The following LAMC1 variants were observed in gnomAD, a reference collection of about 807,000 sequenced individuals.
LAMC1 encodes the protein laminin subunit gamma 1, also known as laminin subunit gamma-1.
In LAMC1, 38 loss-of-function variants were observed where a neutral mutation model predicts 173.6. That is an observed-to-expected ratio of 0.22 (90% CI 0.17 to 0.29). The LOEUF (loss-of-function observed/expected upper bound fraction) is 0.29, where lower values mean the gene tolerates loss of function less well. Ranked by LOEUF, LAMC1 falls within the 10% of genes least tolerant of loss-of-function variation. The pLI, the probability that LAMC1 is intolerant of heterozygous loss-of-function variation, is 1.00. For missense variants in LAMC1, 1,824 were observed against 2,051.8 expected (o/e 0.89, Z 2.14); for synonymous variants, 746 against 749.1 (o/e 1.00, Z 0.07).
chr1:183,024,270 G>C (rs541111506), intron 1 of LAMC1, 136 bp downstream of exon 1: 24 of 813,422 alleles, frequency 3.0e-5, no homozygotes, highest in South Asian at 2.7e-4. Context: ...GGGCCACACA[G>C]AAACTCCTTT....
chr1:183,109,002 G>C (rs1460615601), intron 3 of LAMC1, among the ~76,000 whole-genome samples: 1 of 152,148 alleles, frequency 6.6e-6, no homozygotes, highest in Non-Finnish European at 1.5e-5. Context: ...GTAAGCAGAA[G>C]TTTAGAGACG....
rs200584254 is a variant in LAMC1 at position 183,132,917 on chromosome 1, G to T, written c.3704+380G>T. 7.1e-4 allele frequency among the ~76,000 whole-genome samples: 108 copies of T among 151,766 alleles called. No individual in the cohort carries two copies. In the East Asian group the frequency reaches 0.02, roughly 27 times the overall value. ...TTATAGAAAATTTTTTCTTTTTTTT[G>T]TTGTTTTTGTGAGATGAAGTCTCAC... On this transcript the variant is annotated intron_variant, in intron 21 of 27. Transcript: ENST00000258341.
At chr1:183,067,910 T>A (rs1377995415) in intron 1 of LAMC1, among the ~76,000 whole-genome samples, 2 of 152,232 alleles carry the variant, frequency 1.3e-5, no homozygotes, top group Non-Finnish European at 2.9e-5. Context: ...ATTAGAGGGC[T>A]TCACATGGGT....
chr1:183,128,961 C>T (rs1306261182), intron 18 of LAMC1: 1 of 308,266 alleles, frequency 3.2e-6, no homozygotes, highest in Non-Finnish European at 5.9e-6. Flanking sequence ...GGTGATTTTC[C>T]AACAAATAAA....
intron 18 of LAMC1, 77 bp from the exon 19 acceptor site, chr1:183,130,267 T>C (rs1656744715): frequency 1.6e-6 from 2 of 1,272,928 alleles, no homozygotes; most frequent in Non-Finnish European, 2.3e-6. Flanking sequence ...TAGAGATACA[T>C]AGGGCCTCAG....
At chr1:183,057,378 T>C (rs1046201808) in intron 1 of LAMC1, among the ~76,000 whole-genome samples, 14 of 152,246 alleles carry the variant, frequency 9.2e-5, no homozygotes, top group African/African-American at 3.4e-4. Context: ...GCAGATTTCA[T>C]GAGGCAGGCC....
intron 27 of LAMC1, 67 bp from the exon 28 acceptor site, chr1:183,142,467 G>A: frequency 6.7e-7 from 1 of 1,491,040 alleles, no homozygotes; most frequent in East Asian, 2.3e-5. Context: ...TCTAGTGCAG[G>A]TACTTGTGAA....
chr1:183,083,087 A>G (rs1303722185), intron 1 of LAMC1, among the ~76,000 whole-genome samples: 1 of 152,208 alleles, frequency 6.6e-6, no homozygotes, highest in African/African-American at 2.4e-5. Context: ...AAGTGAAAAA[A>G]GATCAATAAC....
chr1:183,133,674 A>G, intron 22 of LAMC1, 124 bp downstream of exon 22: 8 of 961,678 alleles, frequency 8.3e-6, no homozygotes, highest in Non-Finnish European at 1.0e-5. Context: ...GTCTTATTTC[A>G]CATACGCTAA....
intron 1 of LAMC1, among the ~76,000 whole-genome samples, chr1:183,081,238 AAC>A (rs1655267795): frequency 6.6e-6 from 1 of 152,172 alleles, no homozygotes; most frequent in Non-Finnish European, 1.5e-5. Context: ...GAAAGCCTAT[AAC>A]ACAGTTCAGT....
chr1:183,066,471 T>C (rs1654875613), intron 1 of LAMC1, among the ~76,000 whole-genome samples: 1 of 152,170 alleles, frequency 6.6e-6, no homozygotes, highest in Admixed American at 6.5e-5. Context: ...ACCCAAAGGA[T>C]TATAAATCAT....
intron 1 of LAMC1, among the ~76,000 whole-genome samples, chr1:183,055,271 T>C (rs950965302): frequency 6.6e-6 from 1 of 151,630 alleles, no homozygotes; most frequent in East Asian, 2.0e-4. Flanking sequence ...ATTACAGGTA[T>C]GAGCCACCGC....
At chr1:183,048,842 C>G (rs1051126408) in intron 1 of LAMC1, among the ~76,000 whole-genome samples, 2 of 152,136 alleles carry the variant, frequency 1.3e-5, no homozygotes, top group African/African-American at 4.8e-5. Flanking sequence ...TATATTCTCT[C>G]TCCCTTCCGC....
intron 1 of LAMC1, among the ~76,000 whole-genome samples, chr1:183,065,414 G>A (rs551571421): frequency 1.3e-5 from 2 of 152,330 alleles, no homozygotes; most frequent in East Asian, 1.9e-4. Flanking sequence ...GCAATCTTGA[G>A]TCCAAAAGCT....
Position 183,133,551 on chromosome 1 carries a change from G to T in LAMC1, c.3849+1G>T. On this transcript the variant is annotated splice_donor_variant, in intron 22 of 27. Coordinates refer to ENST00000258341, the MANE Select transcript of LAMC1 (RefSeq NM_002293.4). LOFTEE classifies it high-confidence loss of function. ...CCCTTTGGACTCTGAGACACTGGAG[G>T]TATGGGGGCAGCCTGTACGCACAGC... 6.2e-7 allele frequency: 1 copy of T among 1,609,442 alleles called. No homozygotes were observed. Among genetic ancestry groups the T allele is most frequent in the Non-Finnish European group, 8.5e-7 (1 of 1,177,162 alleles).
chr1:183,056,456 C>G (rs1396218031), intron 1 of LAMC1, among the ~76,000 whole-genome samples: 1 of 152,162 alleles, frequency 6.6e-6, no homozygotes, highest in Non-Finnish European at 1.5e-5. Flanking sequence ...TTATTATCCA[C>G]CAGTCACGTC....
chr1:183,138,176 C>A, intron 26 of LAMC1: 2 of 945,250 alleles, frequency 2.1e-6, no homozygotes, highest in Non-Finnish European at 2.5e-6. Flanking sequence ...TCTTCTTATT[C>A]TTGTTCTCCC....
chr1:183,055,540 G>A (rs1228701791), intron 1 of LAMC1, among the ~76,000 whole-genome samples: 1 of 152,078 alleles, frequency 6.6e-6, no homozygotes, highest in African/African-American at 2.4e-5. Context: ...TAGGCCGGGT[G>A]CAGTGGCTCA....
At chr1:183,132,969 G>A (rs1186383366) in intron 21 of LAMC1, among the ~76,000 whole-genome samples, 3 of 152,118 alleles carry the variant, frequency 2.0e-5, no homozygotes, top group African/African-American at 7.2e-5. Flanking sequence ...AAAGTGCAAT[G>A]GCGCGATCTC....
Sources: gnomAD v4.1 joint callset for allele counts (sites outside exome capture counted in the v4.1 genomes callset) on GRCh38, gnomAD v4.1.1 for gene constraint, MANE v1.5 for transcripts, NCBI Gene and HGNC (gene_info 2026-07-23, HGNC 2026-07-21) for gene names.